Variants in DMRT2 observed in about 807,000 individuals in gnomAD.
DMRT2 encodes doublesex- and mab-3-related transcription factor 2.
Under a neutral mutation model 43.5 loss-of-function variants are expected in DMRT2, and 33 were observed. That is an observed-to-expected ratio of 0.76 (90% CI 0.58 to 1.01). DMRT2 has a LOEUF of 1.01. DMRT2 is among the 50% of genes least tolerant of loss of function. DMRT2 has a pLI of 0.00. For synonymous variants in DMRT2, 395 were observed against 309.2 expected (o/e 1.28, Z -2.91); for missense variants, 1,064 against 748.0 (o/e 1.42, Z -4.93).
intron 2 of DMRT2, chr9:1,052,891 C>G (rs1014822788): frequency 5.3e-5 from 8 of 152,296 alleles, no homozygotes; most frequent in Admixed American, 3.9e-4. Context: ...AGACTCAGGA[C>G]CAGGGAAGAC....
At chr9:1,054,368 T>G (rs750395762) in intron 3 of DMRT2, among the ~76,000 whole-genome samples, 1 of 152,008 alleles carries the variant, frequency 6.6e-6, no homozygotes, top group Non-Finnish European at 1.5e-5. Flanking sequence ...AGCCGTTTAG[T>G]CTGGAAGTTC....
In DMRT2 at chr9:1,056,636, T is replaced by C. The variant is rs772814583; in HGVS notation, c.1049T>C (p.Ile350Thr). ...RFLVWPKCGP[I>T]SDTLLYQQCL... ...TTAGTTTGGCCCAAGTGTGGCCCCA[T>C]TAGCGACACCCTCCTCTACCAGCAA... Residue 350 changes from isoleucine to threonine, a missense_variant, in exon 4 of 4, where the codon ATT becomes ACT. Physicochemically the swap from Ile to Thr is moderately conservative, Grantham distance 89. Transcript: ENST00000358146. The C allele has an allele frequency of 1.2e-6, 2 of 1,614,058 alleles. No individual in the cohort carries two copies. Among genetic ancestry groups the C allele is most frequent in the Non-Finnish European group, 1.7e-6 (2 of 1,180,052 alleles).
chr9:1,055,217 A>G (rs889106975), intron 3 of DMRT2, among the ~76,000 whole-genome samples: 3 of 152,228 alleles, frequency 2.0e-5, no homozygotes, highest in South Asian at 2.1e-4. Context: ...TTTTATTTGC[A>G]AATGAGTATA....
intron 2 of DMRT2, among the ~76,000 whole-genome samples, chr9:1,053,296 C>T (rs1402925247): frequency 6.6e-6 from 1 of 150,732 alleles, no homozygotes; most frequent in Non-Finnish European, 1.5e-5. Flanking sequence ...CGCCCGGCCT[C>T]ACTGCTTCAC....
At chr9:1,055,823 G>GA in intron 3 of DMRT2, 1 of 1,514,056 alleles carries the variant, frequency 6.6e-7, no homozygotes, top group East Asian at 2.5e-5. Context: ...TTTTAATAAT[G>GA]AAAAAAGATG....
chr9:1,050,703 C>G lies in DMRT2; in HGVS notation c.-117C>G, dbSNP rs1821506127. ...CCCGATTTCTGTTTGCATGCACAGC[C>G]AGCAGCCCTAGCGCCAGATCCTAAA... On this transcript the variant is annotated 5_prime_UTR_variant, in exon 1 of 4. Transcript: ENST00000358146. 2 of 152,332 alleles carry G rather than the reference C, an allele frequency of 1.3e-5. No homozygotes were observed. The highest frequency in any genetic ancestry group is 4.1e-4 in the South Asian group (2 of 4,832). 9.4% of individuals were successfully genotyped at this position (152,332 alleles called of 1,614,324 possible).
At position 1,056,982 on chromosome 9, in the gene DMRT2, A is replaced by T. The variant is rs144310366; in HGVS notation, c.1395A>T (p.Pro465=). ...AAGAAAACACCAGGCACCCTCTGCC[A>T]CTTAGACATAATCCATTCCACTCAT... The part of the protein sequence containing the change: ...ISKENTRHPL[P]LRHNPFHSLF... Residue 465 remains proline, a synonymous_variant, in exon 4 of 4, where the codon CCA becomes CCT. Transcript: ENST00000358146. The T allele has an allele frequency of 5.2e-5, 84 of 1,614,122 alleles. No homozygotes were observed. In the East Asian group the frequency reaches 1.8e-3, roughly 35 times the overall value.
At position 1,051,642 on chromosome 9, in the gene DMRT2, C is replaced by A. The variant is rs1001018184; in HGVS notation, c.29C>A (p.Ala10Asp). 41 of 1,566,034 alleles carry A rather than the reference C, an allele frequency of 2.6e-5. 6 individuals are homozygous for A. In the African/African-American group the frequency reaches 3.3e-4, roughly 13 times the overall value. The stretch of plus-strand genomic sequence containing the variant: ...GCCGACCCGCAGGCTGGCTCCGCGG[C>A]CGGGGACTGGGAGATCGATGTCGAG... MADPQAGSAAGDWEIDVESL... is the reference protein window; with the variant it reads MADPQAGSADGDWEIDVESL... The change falls in exon 2 of 4, where the codon GCC becomes GAC. Residue 10 changes from alanine (A) to aspartate (D), a missense_variant. Transcript: ENST00000358146. This position sits in a 1 kb window ranked among gnomAD's most constrained non-coding sequence, Gnocchi z 5.9.
rs1328908859 is a variant in DMRT2, at chr9:1,057,033, A to G, written c.1446A>G (p.Lys482=). ...TATTCCAGCAAACACTTACTGACAA[A>G]TCGGGTCCTGAGTTGAAAACACCAT... The part of the protein sequence containing the change: ...HSLFQQTLTD[K]SGPELKTPFV... Residue 482 remains lysine, a synonymous_variant, in exon 4 of 4, where the codon AAA becomes AAG. Coordinates refer to ENST00000358146, the MANE Select transcript of DMRT2 (RefSeq NM_181872.6). The G allele has an allele frequency of 1.2e-6, 2 of 1,614,188 alleles. No homozygotes were observed. Among genetic ancestry groups the G allele is most frequent in the East Asian group, 2.2e-5 (1 of 44,886 alleles).
chr9:1,057,241 C>G lies in DMRT2; in HGVS notation c.1654C>G (p.Pro552Ala). ...SFSVESILKR[P>A]SSAITRVSQ ...TTCTGTTGAGTCTATTCTTAAGAGGCCTTCATCTGCCATCACTCGTGTCTC... is the reference window on the plus strand; with the variant it reads ...TTCTGTTGAGTCTATTCTTAAGAGGGCTTCATCTGCCATCACTCGTGTCTC... The change falls in exon 4 of 4, where the codon CCT becomes GCT. Residue 552 changes from proline (P) to alanine (A), a missense_variant. Coordinates refer to ENST00000358146, the MANE Select transcript of DMRT2 (RefSeq NM_181872.6). The G allele has an allele frequency of 6.2e-7, 1 of 1,611,936 alleles. No individual in the cohort carries two copies. Among genetic ancestry groups the G allele is most frequent in the Non-Finnish European group, 8.5e-7 (1 of 1,179,254 alleles).
intron 3 of DMRT2, among the ~76,000 whole-genome samples, chr9:1,054,051 C>G (rs1044149532): frequency 2.0e-5 from 3 of 152,156 alleles, no homozygotes; most frequent in Admixed American, 6.5e-5. Flanking sequence ...AGGAAGGAAA[C>G]CGCCACCTGG....
chr9:1,053,601 G>A, intron 2 of DMRT2, 121 bp from the exon 3 acceptor site: 1 of 883,586 alleles, frequency 1.1e-6, no homozygotes, highest in Non-Finnish European at 1.7e-6. Context: ...CACGGAATGG[G>A]AAAATTCAAT....
rs1414969255 is a variant in DMRT2, at chr9:1,052,014, G to A, written c.401G>A (p.Cys134Tyr). Reference protein sequence around the residue: ...ARCRNHGVVSCLKGHKRFCRW... With the variant: ...ARCRNHGVVSYLKGHKRFCRW... ...TGCCGCAACCACGGCGTGGTGTCCT[G>A]CCTGAAGGGCCACAAGCGCTTCTGT... Residue 134 changes from cysteine (C) to tyrosine (Y), a missense_variant, in exon 2 of 4, where the codon TGC becomes TAC. Coordinates refer to ENST00000358146, the MANE Select transcript of DMRT2 (RefSeq NM_181872.6). The A allele has an allele frequency of 6.8e-7, 1 of 1,474,082 alleles. No homozygotes were observed. The highest frequency in any genetic ancestry group is 3.0e-5 in the East Asian group (1 of 33,748). 91.3% of individuals were successfully genotyped at this position (1,474,082 alleles called of 1,614,324 possible).
chr9:1,051,636 C>T lies in DMRT2; in HGVS notation c.23C>T (p.Ser8Phe), dbSNP rs756909068. MADPQAGSAAGDWEIDVE... is the reference protein window; with the variant it reads MADPQAGFAAGDWEIDVE... ...GCCATGGCCGACCCGCAGGCTGGCT[C>T]CGCGGCCGGGGACTGGGAGATCGAT... Residue 8 changes from serine to phenylalanine, a missense_variant, in exon 2 of 4, where the codon TCC becomes TTC. By Grantham distance (155) the Ser-to-Phe change is radical (BLOSUM62 -2). Coordinates refer to ENST00000358146, the MANE Select transcript of DMRT2 (RefSeq NM_181872.6). The surrounding 1 kb of genome is among the most constrained non-coding windows in gnomAD (Gnocchi z 5.9). The T allele has an allele frequency of 9.0e-6, 14 of 1,563,844 alleles. No homozygotes were observed. In the African/African-American group the frequency reaches 1.4e-4, roughly 16 times the overall value.
chr9:1,051,907 C>T lies in DMRT2; in HGVS notation c.294C>T (p.Gly98=), dbSNP rs1016500419. 5.9e-6 allele frequency: 8 copies of T among 1,362,328 alleles called. No individual in the cohort carries two copies. The highest frequency in any genetic ancestry group is 3.7e-6 in the Non-Finnish European group (4 of 1,068,130). 84.4% of individuals were successfully genotyped at this position (1,362,328 alleles called of 1,614,324 possible). A position where few individuals can be genotyped will look rare whatever the true frequency, so the allele number is the denominator to read the frequency against. The part of the protein sequence containing the change: ...PPLAPQASPA[G]TGPRERCTPA... ...TCGCGCCTCAGGCCTCACCCGCCGG[C>T]ACCGGTCCCCGAGAGCGCTGCACTC... The change falls in exon 2 of 4, where the codon GGC becomes GGT. Residue 98 remains glycine (G), a synonymous_variant. Coordinates refer to ENST00000358146, the MANE Select transcript of DMRT2 (RefSeq NM_181872.6). The surrounding 1 kb of genome is among the most constrained non-coding windows in gnomAD (Gnocchi z 5.9).
In DMRT2 at chr9:1,051,861, G is replaced by A. The variant is rs530416855; in HGVS notation, c.248G>A (p.Gly83Glu). 1.3e-3 allele frequency: 1,741 copies of A among 1,389,144 alleles called. 2 individuals are homozygous for A. The highest frequency in any genetic ancestry group is 1.5e-3 in the Non-Finnish European group (1,639 of 1,082,288). The allele number at this position is 1,389,144 out of a possible 1,614,324, so 86.1% of individuals were successfully genotyped here. The change falls in exon 2 of 4, where the codon GGA becomes GAA. Residue 83 changes from glycine to glutamate, a missense_variant. Physicochemically the swap from Gly to Glu is moderately conservative, Grantham distance 98. Coordinates refer to ENST00000358146, the MANE Select transcript of DMRT2 (RefSeq NM_181872.6). The surrounding 1 kb of genome is among the most constrained non-coding windows in gnomAD (Gnocchi z 5.9). ...GMPGQPEQRG[G>E]PQPRPPLAPQ... ...CCCGGCCAGCCGGAGCAGCGGGGGG[G>A]ACCGCAGCCGAGGCCGCCGCTCGCG... is the stretch of plus-strand genomic sequence containing the variant.
At chr9:1,052,481 G>T (rs1821667847) in intron 2 of DMRT2, among the ~76,000 whole-genome samples, 1 of 151,970 alleles carries the variant, frequency 6.6e-6, no homozygotes, top group Non-Finnish European at 1.5e-5. Flanking sequence ...GGCTTGGGGG[G>T]AGAGTGGTTG....
Position 1,056,635 on chromosome 9 carries a change from A to T in DMRT2, c.1048A>T (p.Ile350Phe). The change falls in exon 4 of 4, where the codon ATT becomes TTT. Residue 350 changes from isoleucine (I) to phenylalanine (F), a missense_variant. By Grantham distance (21) the Ile-to-Phe change is conservative (BLOSUM62 0). Coordinates refer to ENST00000358146, the MANE Select transcript of DMRT2 (RefSeq NM_181872.6). Reference protein sequence around the residue: ...RFLVWPKCGPISDTLLYQQCL... With the variant: ...RFLVWPKCGPFSDTLLYQQCL... ...TTTAGTTTGGCCCAAGTGTGGCCCC[A>T]TTAGCGACACCCTCCTCTACCAGCA... 1 of 1,614,172 alleles carries T rather than the reference A, an allele frequency of 6.2e-7. No individual in the cohort carries two copies. The highest frequency in any genetic ancestry group is 8.5e-7 in the Non-Finnish European group (1 of 1,180,030).
rs564464685 is a variant in DMRT2 at position 1,056,646 on chromosome 9, C to T, written c.1059C>T (p.Thr353=). The part of the protein sequence containing the change: ...VWPKCGPISD[T]LLYQQCLLNA... ...CCAAGTGTGGCCCCATTAGCGACAC[C>T]CTCCTCTACCAGCAATGCCTGCTAA... The change falls in exon 4 of 4, where the codon ACC becomes ACT. Residue 353 remains threonine (T), a synonymous_variant. Transcript: ENST00000358146. 3 of 1,614,172 alleles carry T rather than the reference C, an allele frequency of 1.9e-6. No individual in the cohort carries two copies. Among genetic ancestry groups the T allele is most frequent in the South Asian group, 2.2e-5 (2 of 91,076 alleles).
Sources: allele counts gnomAD v4.1 joint callset (sites outside exome capture counted in the v4.1 genomes callset), GRCh38; gene constraint gnomAD v4.1.1; non-coding constraint Gnocchi (gnomAD v3.1); transcripts MANE v1.5; gene names NCBI Gene and HGNC (gene_info 2026-07-23, HGNC 2026-07-21).